The following PCDH11X variants were observed in gnomAD, a reference collection of about 807,000 sequenced individuals.
PCDH11X encodes the protein protocadherin 11 X-linked, also known as protocadherin-11 X-linked.
A neutral mutation model predicts 53.3 loss-of-function variants in PCDH11X; 18 were observed. That is an observed-to-expected ratio of 0.34 (90% confidence interval 0.23 to 0.50). The LOEUF (loss-of-function observed/expected upper bound fraction) is 0.50. PCDH11X is among the 20% of genes least tolerant of loss of function. The pLI is 0.98. For missense variants in PCDH11X, 570 were observed against 1,032.4 expected, an observed-to-expected ratio of 0.55 and a Z score of 6.14; for synonymous variants, 279 against 393.3, an observed-to-expected ratio of 0.71 and a Z score of 3.44.
At chrX:92,041,987 C>G (rs184696491) in intron 6 of PCDH11X, among the ~76,000 whole-genome samples, 117 of 111,768 alleles carry the variant, frequency 1.0e-3, no homozygotes, top group African/African-American at 3.5e-3. Flanking sequence ...AAAAAAATAG[C>G]CTCTATATTC....
chrX:91,854,126 C>T (rs1319723167), intron 5 of PCDH11X, among the ~76,000 whole-genome samples: 4 of 110,720 alleles, frequency 3.6e-5, no homozygotes, highest in Non-Finnish European at 5.7e-5. Context: ...TTTTTGGTAC[C>T]CATTAATCAT....
At chrX:92,436,179 T>A (rs1304040708) in intron 9 of PCDH11X, among the ~76,000 whole-genome samples, 1 of 107,757 alleles carries the variant, frequency 9.3e-6, no homozygotes, top group Admixed American at 1.0e-4. Context: ...GAACAGACAC[T>A]TTTCTAAAAA....
chrX:92,234,193 A>G (rs891119074), intron 7 of PCDH11X, among the ~76,000 whole-genome samples: 27 of 112,445 alleles, frequency 2.4e-4, no homozygotes, highest in African/African-American at 8.4e-4. Context: ...GAATAGCTTA[A>G]TCTTCATCTT....
intron 6 of PCDH11X, among the ~76,000 whole-genome samples, chrX:92,156,355 A>T (rs2065536691): frequency 9.1e-6 from 1 of 109,840 alleles, no homozygotes; most frequent in African/African-American, 3.3e-5. Context: ...ATCACATGAT[A>T]TTTATACGAT....
intron 8 of PCDH11X, among the ~76,000 whole-genome samples, chrX:92,279,448 A>T (rs2068196967): frequency 8.9e-6 from 1 of 112,088 alleles, no homozygotes; most frequent in South Asian, 3.7e-4. Flanking sequence ...GTCAGCATTG[A>T]ATGCAATTTT....
intron 8 of PCDH11X, 145 bp downstream of exon 8, chrX:92,263,288 G>A: frequency 2.1e-6 from 1 of 474,460 alleles, no homozygotes; most frequent in South Asian, 5.9e-5. Context: ...GAGTCAAGCT[G>A]AGCTGTTTTC....
At chrX:92,038,237 C>T (rs2148025782) in intron 6 of PCDH11X, among the ~76,000 whole-genome samples, 1 of 107,193 alleles carries the variant, frequency 9.3e-6, no homozygotes, top group South Asian at 4.0e-4. Context: ...GGGTCCAGGG[C>T]ATGTTAGAGG....
At chrX:92,375,166 A>ATTTT (rs1230279822) in intron 8 of PCDH11X, among the ~76,000 whole-genome samples, 3 of 8,262 alleles carry the variant, frequency 3.6e-4, no homozygotes, top group African/African-American at 6.2e-4. Flanking sequence ...ATATATATAT[A>ATTTT]TTTTTTTTTT....
chrX:92,232,341 A>G (rs978073991), intron 7 of PCDH11X, among the ~76,000 whole-genome samples: 4 of 111,337 alleles, frequency 3.6e-5, no homozygotes, highest in African/African-American at 1.3e-4. Flanking sequence ...AACAGTCAAG[A>G]CTAGAGTATA....
At chrX:91,883,450 T>G (rs1007055431) in intron 6 of PCDH11X, 11 of 754,644 alleles carry the variant, frequency 1.5e-5, no homozygotes, top group Non-Finnish European at 1.7e-5. Context: ...TTCAGTGTTT[T>G]GAAAATATTC....
intron 8 of PCDH11X, among the ~76,000 whole-genome samples, chrX:92,380,770 A>T (rs1362239059): frequency 4.5e-5 from 5 of 110,663 alleles, no homozygotes; most frequent in Non-Finnish European, 3.8e-5. Context: ...GAAATAATTA[A>T]GAAGTATATT....
chrX:91,888,324 G>T (rs1483134860), intron 6 of PCDH11X, among the ~76,000 whole-genome samples: 2 of 111,684 alleles, frequency 1.8e-5, no homozygotes, highest in Non-Finnish European at 3.8e-5. Context: ...TTCATAAAAT[G>T]TTACTATCTT....
At chrX:92,610,442 G>T (rs1927252075) in intron 10 of PCDH11X, among the ~76,000 whole-genome samples, 1 of 110,053 alleles carries the variant, frequency 9.1e-6, no homozygotes, top group Non-Finnish European at 1.9e-5. Flanking sequence ...TTGAATGGAG[G>T]CTTTTGTTTT....
At chrX:92,410,873 A>G (rs1162171475) in intron 9 of PCDH11X, among the ~76,000 whole-genome samples, 2 of 101,714 alleles carry the variant, frequency 2.0e-5, no homozygotes, top group Admixed American at 2.0e-4. Flanking sequence ...CCATCAAACG[A>G]TATTGGTCTT....
chrX:92,119,146 C>A (rs2064704090), intron 6 of PCDH11X, among the ~76,000 whole-genome samples: 1 of 110,004 alleles, frequency 9.1e-6, no homozygotes, highest in Non-Finnish European at 1.9e-5. Flanking sequence ...CTCTCTGTTG[C>A]TCAGGCTGGA....
At chrX:91,804,209 T>C (rs1936025175) in intron 1 of PCDH11X, among the ~76,000 whole-genome samples, 1 of 112,102 alleles carries the variant, frequency 8.9e-6, no homozygotes, top group African/African-American at 3.2e-5. Context: ...TAAAAGAATA[T>C]TGTATCCTTA....
chrX:91,889,066 AT>A (rs1325125558), intron 6 of PCDH11X, among the ~76,000 whole-genome samples: 1 of 111,408 alleles, frequency 9.0e-6, no homozygotes, highest in Non-Finnish European at 1.9e-5. Context: ...AACTAAAATT[AT>A]TTTTTTAAAT....
intron 10 of PCDH11X, among the ~76,000 whole-genome samples, chrX:92,496,140 G>T (rs1401215561): frequency 1.2e-5 from 1 of 80,628 alleles, no homozygotes; most frequent in Non-Finnish European, 2.3e-5. Context: ...ATAAAGTAGG[G>T]GTTCATTGTC....
At chrX:92,489,509 C>A (rs2073714796) in intron 10 of PCDH11X, among the ~76,000 whole-genome samples, 1 of 109,801 alleles carries the variant, frequency 9.1e-6, no homozygotes, top group East Asian at 2.9e-4. Context: ...TATTTTTCTT[C>A]TTGGGCAGAG....
Sources: allele counts gnomAD v4.1 joint callset (sites outside exome capture counted in the v4.1 genomes callset), GRCh38; gene constraint gnomAD v4.1.1; transcripts MANE v1.5; gene names NCBI Gene and HGNC (gene_info 2026-07-23, HGNC 2026-07-21).